Variants in FYN observed in about 807,000 individuals in gnomAD.
FYN encodes tyrosine-protein kinase Fyn.
FYN carries 10 observed loss-of-function variants against 70.2 expected under a neutral mutation model. The observed-to-expected ratio is 0.14, with a 90% CI of 0.09 to 0.24. The LOEUF (loss-of-function observed/expected upper bound fraction) is 0.24, where lower values mean the gene tolerates loss of function less well. Ranked by LOEUF, FYN falls within the 10% of genes least tolerant of loss-of-function variation. The pLI is 1.00. For synonymous variants in FYN, 236 were observed against 248.6 expected, an observed-to-expected ratio of 0.95 and a Z score of 0.48; for missense variants, 319 against 673.1, an observed-to-expected ratio of 0.47 and a Z score of 5.82.
chr6:111,859,383 A>G (rs368333508), intron 1 of FYN, among the ~76,000 whole-genome samples: 4 of 152,150 alleles, frequency 2.6e-5, no homozygotes, highest in Admixed American at 6.5e-5. Flanking sequence ...GCAAATTCCA[A>G]TGGGGCCTCA....
At chr6:111,712,725 C>T (rs1355430471) in intron 5 of FYN, among the ~76,000 whole-genome samples, 1 of 152,170 alleles carries the variant, frequency 6.6e-6, no homozygotes, top group Non-Finnish European at 1.5e-5. Context: ...TGAATGGTAG[C>T]TGTTTATTAT....
intron 8 of FYN, 103 bp downstream of exon 8, chr6:111,702,782 G>T: frequency 8.7e-7 from 1 of 1,151,580 alleles, no homozygotes; most frequent in South Asian, 1.5e-5. Flanking sequence ...CTCTATAAGT[G>T]ATTTTGTACA....
At chr6:111,824,880 T>A (rs1460552503) in intron 2 of FYN, among the ~76,000 whole-genome samples, 3 of 152,238 alleles carry the variant, frequency 2.0e-5, no homozygotes, top group African/African-American at 7.2e-5. Context: ...ATTCATAAAC[T>A]GAACCAATGC....
intron 4 of FYN, among the ~76,000 whole-genome samples, chr6:111,718,017 G>A (rs1800749024): frequency 6.6e-6 from 1 of 152,206 alleles, no homozygotes; most frequent in African/African-American, 2.4e-5. Context: ...AAACAAAAAT[G>A]TGGGTGCCCG....
intron 2 of FYN, among the ~76,000 whole-genome samples, chr6:111,786,314 G>GT (rs1430838014): frequency 6.6e-6 from 1 of 151,660 alleles, no homozygotes; most frequent in African/African-American, 2.4e-5. Flanking sequence ...GCGGTGTTTG[G>GT]TTTTTTGTCC....
At chr6:111,757,433 A>C (rs946451801) in intron 3 of FYN, among the ~76,000 whole-genome samples, 1 of 152,240 alleles carries the variant, frequency 6.6e-6, no homozygotes, top group Non-Finnish European at 1.5e-5. Context: ...TCACTTAAAA[A>C]AATGAGGCGT....
At chr6:111,716,820 T>G (rs1473788232) in intron 4 of FYN, among the ~76,000 whole-genome samples, 7 of 151,516 alleles carry the variant, frequency 4.6e-5, no homozygotes, top group Non-Finnish European at 1.0e-4. Flanking sequence ...GTTTCACTCT[T>G]GTCGCCCAGG....
At position 111,770,423 on chromosome 6, in the gene FYN, G is replaced by C. The variant is rs559082495; in HGVS notation, c.-12+10143C>G. Among the ~76,000 whole-genome samples, 10 of 152,238 alleles carry C rather than the reference G, an allele frequency of 6.6e-5. 1 individual carries two copies. In the South Asian group the frequency reaches 2.1e-3, roughly 32 times the overall value. On this transcript the variant is annotated intron_variant, in intron 3 of 13. Transcript: ENST00000354650. ...TTTACTTCTTCACTTGTTAAATGTG[G>C]CTGATGGTGGGAAGCTGGGGTGGTT...
At chr6:111,758,143 G>C (rs1046875164) in intron 3 of FYN, among the ~76,000 whole-genome samples, 1 of 152,138 alleles carries the variant, frequency 6.6e-6, no homozygotes, top group African/African-American at 2.4e-5. Flanking sequence ...ATAGTAGACT[G>C]ATTTTCTGTT....
chr6:111,787,204 A>C (rs1444045516), intron 2 of FYN, among the ~76,000 whole-genome samples: 1 of 152,210 alleles, frequency 6.6e-6, no homozygotes, highest in African/African-American at 2.4e-5. Flanking sequence ...TTTAGATCTA[A>C]CATGTAAGTC....
chr6:111,749,483 C>T (rs964135581), intron 3 of FYN, among the ~76,000 whole-genome samples: 1 of 152,176 alleles, frequency 6.6e-6, no homozygotes, highest in South Asian at 2.1e-4. Context: ...CTTAAATGCA[C>T]CTTAATAATC....
At chr6:111,786,224 G>A (rs955626479) in intron 2 of FYN, among the ~76,000 whole-genome samples, 1 of 151,774 alleles carries the variant, frequency 6.6e-6, no homozygotes, top group Non-Finnish European at 1.5e-5. Flanking sequence ...CACAACCCAT[G>A]ACAGGCCCTG....
chr6:111,822,005 A>ACT (rs1188471784), intron 2 of FYN, among the ~76,000 whole-genome samples: 20 of 152,238 alleles, frequency 1.3e-4, no homozygotes, highest in African/African-American at 4.8e-4. Context: ...AATGTGGAGA[A>ACT]ATAGGAACAC....
chr6:111,797,706 A>T (rs1293461966), intron 2 of FYN, among the ~76,000 whole-genome samples: 43 of 105,746 alleles, frequency 4.1e-4, no homozygotes, highest in Admixed American at 2.7e-4. Flanking sequence ...ATATATATAT[A>T]TATATACACA....
At position 111,696,270 on chromosome 6, in the gene FYN, G is replaced by C. The variant is rs1168426992; in HGVS notation, c.1042+7C>G. The C allele has an allele frequency of 6.2e-6, 10 of 1,602,506 alleles. No individual in the cohort carries two copies. The highest frequency in any genetic ancestry group is 8.5e-6 in the Non-Finnish European group (10 of 1,173,568). On this transcript the variant is annotated splice_region_variant and intron_variant, in intron 10 of 13. Coordinates refer to ENST00000354650, the MANE Select transcript of FYN (RefSeq NM_002037.5). ...GTGAGCTGGAGACAGGAGAGGTGTT[G>C]CCCAACCTTTGTTCATATACTCGGT... is the stretch of plus-strand genomic sequence containing the variant.
At position 111,673,622 on chromosome 6, in the gene FYN, G is replaced by GTTTTTTTTTTTTTTTTTTTTTTTTT. The variant is rs71021858; in HGVS notation, c.1405+876_1405+877insAAAAAAAAAAAAAAAAAAAAAAAAA. ...AATCGTCACTATCGTTTCTATCATT[G>GTTTTTTTTTTTTTTTTTTTTTTTTT]TTTTTTTTTTTTTTTTTTTCTTTAA... On this transcript the variant is annotated intron_variant, in intron 13 of 13. Transcript: ENST00000354650. Among the ~76,000 whole-genome samples the GTTTTTTTTTTTTTTTTTTTTTTTTT allele has an allele frequency of 1.1e-4, 13 of 116,586 alleles. 1 individual carries two copies. Among genetic ancestry groups the GTTTTTTTTTTTTTTTTTTTTTTTTT allele is most frequent in the African/African-American group, 1.3e-4 (4 of 31,674 alleles). The allele number at this position is 116,586 out of a possible 152,430, so 76.5% of individuals were successfully genotyped here. A position where few individuals can be genotyped will look rare whatever the true frequency, so the allele number is the denominator to read the frequency against.
At chr6:111,702,127 A>C (rs1562480087) in intron 8 of FYN, among the ~76,000 whole-genome samples, 1 of 152,198 alleles carries the variant, frequency 6.6e-6, no homozygotes, top group Non-Finnish European at 1.5e-5. Context: ...ATGTGCACCT[A>C]TATCTATAGG....
At chr6:111,824,229 G>T (rs955340188) in intron 2 of FYN, among the ~76,000 whole-genome samples, 8 of 152,168 alleles carry the variant, frequency 5.3e-5, no homozygotes, top group Non-Finnish European at 1.2e-4. Context: ...ACATCACTGG[G>T]TGGGCCACTG....
intron 3 of FYN, among the ~76,000 whole-genome samples, chr6:111,765,499 C>T (rs996666177): frequency 3.3e-5 from 5 of 152,130 alleles, no homozygotes; most frequent in African/African-American, 9.7e-5. Flanking sequence ...CTTTCAGTCT[C>T]CAGACTATGA....
Sources: gnomAD v4.1 joint callset for allele counts (sites outside exome capture counted in the v4.1 genomes callset) on GRCh38, gnomAD v4.1.1 for gene constraint, MANE v1.5 for transcripts, NCBI Gene and HGNC (gene_info 2026-07-23, HGNC 2026-07-21) for gene names.